EMC2: variants seen among roughly 807,000 people sequenced by gnomAD.
EMC2 encodes the protein TPR repeat protein 35.
A neutral mutation model predicts 51.6 loss-of-function variants in EMC2; 37 were observed. That is an observed-to-expected ratio of 0.72 (90% CI 0.55 to 0.94). The LOEUF (loss-of-function observed/expected upper bound fraction) is 0.94, where lower values mean the gene tolerates loss of function less well. Among genes scored for constraint, EMC2 ranks in the 40% least tolerant of loss-of-function variants. EMC2 has a pLI of 0.00. For missense variants in EMC2, 359 were observed against 350.9 expected (o/e 1.02, Z -0.18); for synonymous variants, 131 against 112.4 (o/e 1.17, Z -1.04).
At chr8:108,463,441 C>A (rs923162923) in intron 5 of EMC2, among the ~76,000 whole-genome samples, 1 of 151,876 alleles carries the variant, frequency 6.6e-6, no homozygotes, top group Non-Finnish European at 1.5e-5. Flanking sequence ...TACTTTGAAT[C>A]TTCCTTAAGG....
chr8:108,443,704 T>G lies in EMC2; in HGVS notation c.40+6T>G. 1 of 1,608,164 alleles carries G rather than the reference T, an allele frequency of 6.2e-7. No homozygotes were observed. Among genetic ancestry groups the G allele is most frequent in the Non-Finnish European group, 8.5e-7 (1 of 1,177,082 alleles). On this transcript the variant is annotated splice_donor_region_variant and intron_variant, in intron 1 of 10. Transcript: ENST00000220853. ...TTACGATGTCACTTGGGAAGGTAAC[T>G]TCGGGTGGGGGCGGGTGCGGAAAGA...
intron 1 of EMC2, among the ~76,000 whole-genome samples, chr8:108,445,498 CTTTATCA>C (rs1818856982): frequency 6.6e-6 from 1 of 151,958 alleles, no homozygotes; most frequent in Admixed American, 6.5e-5. Context: ...CCCCATTAAA[CTTTATCA>C]TTTATCAATT....
intron 1 of EMC2, among the ~76,000 whole-genome samples, chr8:108,444,326 A>C (rs1319577870): frequency 6.6e-6 from 1 of 152,158 alleles, no homozygotes; most frequent in African/African-American, 2.4e-5. Flanking sequence ...TGAAGGGAAA[A>C]ATAACTAATT....
chr8:108,478,582 T>C (rs1396011887), intron 9 of EMC2, among the ~76,000 whole-genome samples: 1 of 152,014 alleles, frequency 6.6e-6, no homozygotes, highest in African/African-American at 2.4e-5. Context: ...TTCCTTTTTC[T>C]ATAAATATTC....
chr8:108,482,053 T>C (rs1811052779), intron 10 of EMC2, among the ~76,000 whole-genome samples: 1 of 152,198 alleles, frequency 6.6e-6, no homozygotes, highest in Non-Finnish European at 1.5e-5. Context: ...ATATGGGTCA[T>C]AGAATGTATG....
intron 5 of EMC2, among the ~76,000 whole-genome samples, chr8:108,465,313 G>T (rs899596449): frequency 6.6e-6 from 1 of 152,186 alleles, no homozygotes; most frequent in African/African-American, 2.4e-5. Context: ...TCAGGGTCTA[G>T]CTGTCCTGTA....
At chr8:108,469,110 T>C (rs960681923) in intron 5 of EMC2, among the ~76,000 whole-genome samples, 2 of 152,194 alleles carry the variant, frequency 1.3e-5, no homozygotes, top group African/African-American at 2.4e-5. Context: ...CATTAACTTT[T>C]TTATTTGATA....
At chr8:108,478,103 T>C (rs954706361) in intron 9 of EMC2, among the ~76,000 whole-genome samples, 3 of 152,060 alleles carry the variant, frequency 2.0e-5, no homozygotes, top group African/African-American at 7.2e-5. Flanking sequence ...GGGATATAGA[T>C]TCTTCACTGG....
At chr8:108,451,118 G>A (rs942684879) in intron 3 of EMC2, among the ~76,000 whole-genome samples, 19 of 151,896 alleles carry the variant, frequency 1.3e-4, no homozygotes, top group African/African-American at 4.1e-4. Context: ...CAGGAGGATC[G>A]CTTGAACCTG....
intron 5 of EMC2, among the ~76,000 whole-genome samples, chr8:108,461,288 TC>T (rs753807900): frequency 1.6e-4 from 24 of 152,352 alleles, no homozygotes; most frequent in East Asian, 1.2e-3. Flanking sequence ...CAGCTGTACT[TC>T]CTATTCACAT....
intron 5 of EMC2, among the ~76,000 whole-genome samples, chr8:108,467,570 C>T (rs13277048): frequency 0.68 from 103,942 of 151,932 alleles, 36,126 homozygotes; most frequent in African/African-American, 0.81. Context: ...TTAAAAATGT[C>T]TATTTATTTT....
intron 5 of EMC2, among the ~76,000 whole-genome samples, chr8:108,461,739 A>G (rs1341642313): frequency 6.6e-6 from 1 of 152,180 alleles, no homozygotes; most frequent in Non-Finnish European, 1.5e-5. Context: ...TACACATGTT[A>G]AAAATTGTGG....
At position 108,443,694 on chromosome 8, in the gene EMC2, G is replaced by C. The variant is rs542563663; in HGVS notation, c.36G>C (p.Trp12Cys). The change falls in exon 1 of 11, where the codon TGG becomes TGC. Residue 12 changes from tryptophan (W) to cysteine (C), a missense_variant. By Grantham distance (215) the Trp-to-Cys change is radical. Transcript: ENST00000220853. ...TCTCAGAGCTTTACGATGTCACTTG[G>C]GAAGGTAACTTCGGGTGGGGGCGGG... ...AKVSELYDVT[W>C]EEMRDKMRKW... is the part of the protein sequence containing the mutation. The C allele has an allele frequency of 1.2e-6, 2 of 1,609,758 alleles. No individual in the cohort carries two copies. Among genetic ancestry groups the C allele is most frequent in the African/African-American group, 2.7e-5 (2 of 74,946 alleles).
Position 108,449,824 on chromosome 8 carries a change from A to C in EMC2, c.42A>C (p.Glu14Asp). Reference sequence around the variant, plus strand: ...TAAATGTCATGTTATTTTTTTCAGAAATGAGAGATAAAATGAGAAAATGGA... The same window carrying C: ...TAAATGTCATGTTATTTTTTTCAGACATGAGAGATAAAATGAGAAAATGGA... ...VSELYDVTWE[E>D]MRDKMRKWRE... The change falls in exon 2 of 11, where the codon GAA (glutamate) becomes GAC (aspartate). Residue 14 changes from glutamate to aspartate, a missense_variant and splice_region_variant. By Grantham distance (45) the Glu-to-Asp change is conservative. Transcript: ENST00000220853. 2 of 1,426,752 alleles carry C rather than the reference A, an allele frequency of 1.4e-6. No homozygotes were observed. The highest frequency in any genetic ancestry group is 2.0e-6 in the Non-Finnish European group (2 of 1,012,412). The allele number at this position is 1,426,752 out of a possible 1,614,324, so 88.4% of individuals were successfully genotyped here.
rs1045374921 is a variant in EMC2, at chr8:108,451,202, C to CA, written c.219+722dup. 1.3e-3 allele frequency among the ~76,000 whole-genome samples: 105 copies of CA among 81,378 alleles called. 1 individual carries two copies. Among genetic ancestry groups the CA allele is most frequent in the South Asian group, 1.0e-2 (19 of 1,904 alleles). The allele number at this position is 81,378 out of a possible 152,430, so 53.4% of individuals were successfully genotyped here. Reference sequence around the variant, plus strand: ...TGGGCAACAGAGCGAGACTCTGTCTCAAAAAAAAAAAAGAAAAAAATCAAA... The same window carrying CA: ...TGGGCAACAGAGCGAGACTCTGTCTCAAAAAAAAAAAAAGAAAAAAATCAAA... On this transcript the variant is annotated intron_variant, in intron 3 of 10. Coordinates refer to ENST00000220853, the MANE Select transcript of EMC2 (RefSeq NM_014673.5).
chr8:108,456,359 A>AAAAAAAAAC (rs1819158373), intron 5 of EMC2, among the ~76,000 whole-genome samples: 5 of 149,956 alleles, frequency 3.3e-5, no homozygotes, highest in African/African-American at 1.2e-4. Flanking sequence ...AAAAAAAAAA[A>AAAAAAAAAC]AACAACTTCT....
Position 108,476,892 on chromosome 8 carries a change from G to T in EMC2, c.702G>T (p.Met234Ile). 1 of 1,290,834 alleles carries T rather than the reference G, an allele frequency of 7.7e-7. No homozygotes were observed. The highest frequency in any genetic ancestry group is 1.1e-6 in the Non-Finnish European group (1 of 886,370). The allele number at this position is 1,290,834 out of a possible 1,614,324, so 80.0% of individuals were successfully genotyped here. A position where few individuals can be genotyped will look rare whatever the true frequency, so the allele number is the denominator to read the frequency against. The change falls in exon 9 of 11, where the codon ATG (methionine) becomes ATT (isoleucine). Residue 234 changes from methionine (M) to isoleucine (I), a missense_variant and splice_region_variant. By Grantham distance (10) the Met-to-Ile change is conservative. Coordinates refer to ENST00000220853, the MANE Select transcript of EMC2 (RefSeq NM_014673.5). ...RNMRALFGLY[M>I]SASHIASNPK... ...TGAGAGCTTTGTTTGGACTTTATAT[G>T]GTGAGTTGAGGTGCATGTTTAATGT...
chr8:108,487,178 T>A lies in EMC2; in HGVS notation c.*580T>A, dbSNP rs1811157992. On this transcript the variant is annotated 3_prime_UTR_variant, in exon 11 of 11. Transcript: ENST00000220853. ...GTCATTCTCCAAAGTTCAGCAATATTTCTTTGTAAAATTTTTGTTTTGATA... is the reference window on the plus strand; with the variant it reads ...GTCATTCTCCAAAGTTCAGCAATATATCTTTGTAAAATTTTTGTTTTGATA... Among the ~76,000 whole-genome samples, 1 of 152,136 alleles carries A rather than the reference T, an allele frequency of 6.6e-6. No individual in the cohort carries two copies. Among genetic ancestry groups the A allele is most frequent in the Non-Finnish European group, 1.5e-5 (1 of 67,980 alleles).
chr8:108,478,348 C>T (rs1810984086), intron 9 of EMC2, among the ~76,000 whole-genome samples: 1 of 151,980 alleles, frequency 6.6e-6, no homozygotes, highest in African/African-American at 2.4e-5. Flanking sequence ...CATTTAAATA[C>T]ATTTTTAAAA....
Sources: allele counts gnomAD v4.1 joint callset (sites outside exome capture counted in the v4.1 genomes callset), GRCh38; gene constraint gnomAD v4.1.1; transcripts MANE v1.5; gene names NCBI Gene and HGNC (gene_info 2026-07-23, HGNC 2026-07-21).